MEAF6: variants seen among roughly 807,000 people sequenced by gnomAD.
MEAF6 encodes MYST/Esa1 associated factor 6, also known as chromatin modification-related protein MEAF6.
A neutral mutation model predicts 28.9 loss-of-function variants in MEAF6; 15 were observed. The ratio of observed to expected loss-of-function variants is 0.52; its 90% CI spans 0.35 to 0.80. The LOEUF (loss-of-function observed/expected upper bound fraction) is 0.80, where lower values mean the gene tolerates loss of function less well. Ranked by LOEUF, MEAF6 falls within the 30% of genes least tolerant of loss-of-function variation. The pLI, the probability that MEAF6 is intolerant of heterozygous loss-of-function variation, is 0.01. For synonymous variants in MEAF6, 97 were observed against 88.7 expected (o/e 1.09, Z -0.53); for missense variants, 178 against 237.5 (o/e 0.75, Z 1.65).
intron 5 of MEAF6, among the ~76,000 whole-genome samples, chr1:37,499,023 T>C (rs915816668): frequency 1.3e-5 from 2 of 152,088 alleles, no homozygotes. Context: ...TGGTGGCACA[T>C]GCCTGTACTC....
intron 6 of MEAF6, 79 bp downstream of exon 6, chr1:37,495,806 C>A (rs1642114647): frequency 2.8e-6 from 4 of 1,420,798 alleles, no homozygotes; most frequent in Non-Finnish European, 4.0e-6. Flanking sequence ...TAGGAACACT[C>A]AAGCTCTGAA....
At chr1:37,499,007 T>A (rs1419078215) in intron 5 of MEAF6, among the ~76,000 whole-genome samples, 1 of 151,942 alleles carries the variant, frequency 6.6e-6, no homozygotes, top group East Asian at 1.9e-4. Flanking sequence ...AGAAACTAGC[T>A]AGGCATGGTG....
At position 37,493,903 on chromosome 1, in the gene MEAF6, AAAGT is replaced by A; in HGVS notation, c.*192_*195del. 1.3e-6 allele frequency: 2 copies of A among 1,585,966 alleles called. No homozygotes were observed. Among genetic ancestry groups the A allele is most frequent in the Non-Finnish European group, 1.7e-6 (2 of 1,168,010 alleles). ...GCAGTTCTGTTACTAAAAATGACAT[AAAGT>A]AAGACCCAATGTCTTACAGAAATGA... On this transcript the variant is annotated 3_prime_UTR_variant, in exon 7 of 7. Transcript: ENST00000296214.
rs184768988 is a variant in MEAF6, at chr1:37,490,839, A to G, written c.*3260T>C. On this transcript the variant is annotated 3_prime_UTR_variant, in exon 7 of 7. Coordinates refer to ENST00000296214, the MANE Select transcript of MEAF6 (RefSeq NM_001270875.3). ...CAGGAGTTTGAGTCCAGCCTGGCCA[A>G]TATGGTGAAACCCGGTCTCTATTGA... 2.3e-4 allele frequency among the ~76,000 whole-genome samples: 35 copies of G among 151,654 alleles called. No individual in the cohort carries two copies. The highest frequency in any genetic ancestry group is 8.0e-4 in the African/African-American group (33 of 41,368).
intron 4 of MEAF6, among the ~76,000 whole-genome samples, chr1:37,507,644 A>G (rs1048905742): frequency 2.6e-5 from 4 of 152,150 alleles, no homozygotes; most frequent in African/African-American, 9.7e-5. Context: ...TCTGTTTTAG[A>G]TCAAATATTT....
chr1:37,493,977 C>T lies in MEAF6; in HGVS notation c.*122G>A, dbSNP rs1642028920. On this transcript the variant is annotated 3_prime_UTR_variant, in exon 7 of 7. Coordinates refer to ENST00000296214, the MANE Select transcript of MEAF6 (RefSeq NM_001270875.3). ...AGAACAAACTACTCAAAGTCACAGG[C>T]ACTGGGTCTGGGAGAGCAGAGGTGG... 3.2e-6 allele frequency: 5 copies of T among 1,577,512 alleles called. No homozygotes were observed. Among genetic ancestry groups the T allele is most frequent in the African/African-American group, 2.7e-5 (2 of 73,176 alleles).
chr1:37,492,766 T>C lies in MEAF6; in HGVS notation c.*1333A>G, dbSNP rs1366353289. The stretch of plus-strand genomic sequence containing the variant: ...GACTAACTAGAGTGAAAGGAAAGGT[T>C]AGACCCCAAATCTTATCCCTTAGAC... On this transcript the variant is annotated 3_prime_UTR_variant, in exon 7 of 7. Transcript: ENST00000296214. 6.6e-6 allele frequency: 1 copy of C among 152,596 alleles called. No individual in the cohort carries two copies. The allele number at this position is 152,596 out of a possible 1,614,324, so 9.5% of individuals were successfully genotyped here.
chr1:37,498,719 C>T (rs1642199834), intron 5 of MEAF6, among the ~76,000 whole-genome samples: 1 of 152,008 alleles, frequency 6.6e-6, no homozygotes, highest in African/African-American at 2.4e-5. Context: ...GTATGAGCCA[C>T]AGCACCTGGC....
At chr1:37,511,055 G>A (rs956686241) in intron 2 of MEAF6, among the ~76,000 whole-genome samples, 8 of 152,306 alleles carry the variant, frequency 5.3e-5, no homozygotes, top group African/African-American at 1.9e-4. Flanking sequence ...TATTTAAAAA[G>A]TGGAGAACAG....
intron 4 of MEAF6, among the ~76,000 whole-genome samples, chr1:37,507,475 A>T (rs1323975781): frequency 2.6e-5 from 4 of 151,272 alleles, no homozygotes; most frequent in African/African-American, 9.7e-5. Flanking sequence ...AAAAAGATTT[A>T]GTGGAGAGTC....
In MEAF6 at chr1:37,514,732, G is replaced by C. The variant is rs1402120901; in HGVS notation, c.15C>G (p.Asn5Lys). 2 of 1,525,052 alleles carry C rather than the reference G, an allele frequency of 1.3e-6. No individual in the cohort carries two copies. The highest frequency in any genetic ancestry group is 1.8e-6 in the Non-Finnish European group (2 of 1,141,362). 94.5% of individuals were successfully genotyped at this position (1,525,052 alleles called of 1,614,324 possible). MAMH[N>K]KAAPPQIPDT... Reference sequence around the variant, plus strand: ...CCGGGATCTGCGGCGGCGCCGCCTTGTTGTGCATCGCCATGTTGGGCTGAG... The same window carrying C: ...CCGGGATCTGCGGCGGCGCCGCCTTCTTGTGCATCGCCATGTTGGGCTGAG... The change falls in exon 1 of 7, where the codon AAC becomes AAG. Residue 5 changes from asparagine to lysine, a missense_variant. Coordinates refer to ENST00000296214, the MANE Select transcript of MEAF6 (RefSeq NM_001270875.3).
At chr1:37,513,570 A>G in intron 1 of MEAF6, 32 bp from the exon 2 acceptor site, 1 of 1,506,136 alleles carries the variant, frequency 6.6e-7, no homozygotes, top group Non-Finnish European at 9.2e-7. Context: ...CATGAATGAT[A>G]CCTTTTAAAT....
rs1164116519 is a variant in MEAF6, at chr1:37,491,357, T to TA, written c.*2741dup. On this transcript the variant is annotated 3_prime_UTR_variant, in exon 7 of 7. Coordinates refer to ENST00000296214, the MANE Select transcript of MEAF6 (RefSeq NM_001270875.3). ...CCATCTCCACTAAAAATACAAAACT[T>TA]AGATGGGCATGGTGGTGCATGCCTG... is the stretch of plus-strand genomic sequence containing the variant. Among the ~76,000 whole-genome samples the TA allele has an allele frequency of 6.6e-6, 1 of 151,868 alleles. No homozygotes were observed. The highest frequency in any genetic ancestry group is 1.5e-5 in the Non-Finnish European group (1 of 67,978).
chr1:37,509,129 C>T, intron 4 of MEAF6, 149 bp downstream of exon 4: 1 of 721,706 alleles, frequency 1.4e-6, no homozygotes, highest in Non-Finnish European at 2.4e-6. Flanking sequence ...ATTAAGGATA[C>T]CCTAAAAGTT....
intron 4 of MEAF6, among the ~76,000 whole-genome samples, chr1:37,507,253 G>C (rs1642515505): frequency 6.6e-6 from 1 of 152,080 alleles, no homozygotes; most frequent in South Asian, 2.1e-4. Flanking sequence ...TTGGGAGGCG[G>C]AGGTGGCAGT....
chr1:37,513,606 G>T (rs1339494947), intron 1 of MEAF6, 68 bp from the exon 2 acceptor site: 7 of 1,254,624 alleles, frequency 5.6e-6, no homozygotes, highest in Non-Finnish European at 8.2e-6. Context: ...TGGCCAAAAT[G>T]AAATCCTGAT....
chr1:37,508,283 T>C (rs949179846), intron 4 of MEAF6, among the ~76,000 whole-genome samples: 1 of 138,072 alleles, frequency 7.2e-6, no homozygotes, highest in Admixed American at 7.2e-5. Context: ...TCTTTTTTTT[T>C]TTTTTTTTTT....
At chr1:37,498,398 CTATGT>C (rs1173005987) in intron 5 of MEAF6, among the ~76,000 whole-genome samples, 6 of 145,170 alleles carry the variant, frequency 4.1e-5, no homozygotes, top group Non-Finnish European at 6.0e-5. Context: ...ATAAGAGTAG[CTATGT>C]TATTTTTTAT....
chr1:37,504,895 T>C (rs1339381049), intron 4 of MEAF6, among the ~76,000 whole-genome samples: 2 of 152,062 alleles, frequency 1.3e-5, no homozygotes, highest in African/African-American at 4.8e-5. Context: ...GTTTTCTTCT[T>C]TTTTGAGACA....
Sources: allele counts gnomAD v4.1 joint callset (sites outside exome capture counted in the v4.1 genomes callset), GRCh38; gene constraint gnomAD v4.1.1; transcripts MANE v1.5; gene names NCBI Gene and HGNC (gene_info 2026-07-23, HGNC 2026-07-21).